Variants in DNAAF19 observed in about 807,000 individuals in gnomAD.
The protein encoded by DNAAF19 is dynein axonemal assembly factor 19.
the DNAAF19 span, chr17:44,901,758 A>T: frequency 7.9e-7 from 1 of 1,268,470 alleles, no homozygotes; most frequent in Non-Finnish European, 1.1e-6. Context: ...AACCACACAT[A>T]CCTCTTCTTT....
the DNAAF19 span, chr17:44,904,270 G>T: frequency 6.5e-7 from 1 of 1,550,280 alleles, no homozygotes; most frequent in Non-Finnish European, 8.7e-7. Flanking sequence ...AGGGAATGGT[G>T]GCCACTTTCC....
the DNAAF19 span, chr17:44,901,156 A>G: frequency 1.3e-6 from 2 of 1,599,992 alleles, no homozygotes; most frequent in Non-Finnish European, 8.5e-7. Flanking sequence ...GCTCACTGCC[A>G]TTTTTCTCAG....
the DNAAF19 span, chr17:44,902,536 G>T: frequency 6.2e-7 from 1 of 1,614,244 alleles, no homozygotes; most frequent in East Asian, 2.2e-5. Flanking sequence ...GCTGCTGGTG[G>T]CACTGGCTGA....
the DNAAF19 span, chr17:44,904,668 G>T: frequency 6.4e-7 from 1 of 1,550,572 alleles, no homozygotes; most frequent in Non-Finnish European, 8.7e-7. Context: ...CACCAGCAGA[G>T]ACTGGGCCAT....
the DNAAF19 span, chr17:44,905,092 G>C: frequency 6.7e-7 from 1 of 1,498,576 alleles, no homozygotes; most frequent in Middle Eastern, 1.7e-4. Context: ...CAGCTCTGAA[G>C]ACCAGTTGTC....
At chr17:44,903,580 C>T in the DNAAF19 span, 7 of 1,392,972 alleles carry the variant, frequency 5.0e-6, no homozygotes, top group Non-Finnish European at 5.6e-6. Flanking sequence ...GAGTAAAGGC[C>T]AGGTTCTAGA....
the DNAAF19 span, chr17:44,904,608 T>A: frequency 7.7e-6 from 12 of 1,550,556 alleles, no homozygotes; most frequent in Non-Finnish European, 1.0e-5. Flanking sequence ...ATTAACTATG[T>A]GTCCAAAGTG....
chr17:44,902,830 C>T, the DNAAF19 span: 130 of 1,524,688 alleles, frequency 8.5e-5, 1 homozygote, highest in African/African-American at 1.6e-3. Context: ...CGGCAAGCTA[C>T]CCTCAGAGGT....
chr17:44,903,448 C>G, the DNAAF19 span: 2 of 1,252,508 alleles, frequency 1.6e-6, no homozygotes, highest in Non-Finnish European at 2.0e-6. Flanking sequence ...TTCCACCAGG[C>G]TGGCAGGGCA....
At chr17:44,903,304 C>T in the DNAAF19 span, 2 of 1,245,420 alleles carry the variant, frequency 1.6e-6, no homozygotes, top group Non-Finnish European at 2.0e-6. Flanking sequence ...TGAATTTTCC[C>T]CTAGAGACTC....
the DNAAF19 span, chr17:44,905,131 A>C: frequency 1.5e-6 from 2 of 1,348,536 alleles, no homozygotes; most frequent in Non-Finnish European, 2.0e-6. Context: ...ATGATACCAG[A>C]TGTCTCTGGG....
chr17:44,905,114 T>C, the DNAAF19 span: 1 of 1,423,656 alleles, frequency 7.0e-7, no homozygotes, highest in Non-Finnish European at 9.5e-7. Flanking sequence ...TTCAATGTGT[T>C]TGTTAAATGA....
chr17:44,904,797 T>C, the DNAAF19 span: 1 of 1,550,646 alleles, frequency 6.4e-7, no homozygotes, highest in African/African-American at 1.4e-5. Flanking sequence ...ATGAGGGTGT[T>C]CATTGACCAC....
the DNAAF19 span, chr17:44,901,557 C>G: frequency 1.2e-6 from 2 of 1,614,022 alleles, no homozygotes; most frequent in Non-Finnish European, 1.7e-6. Context: ...GCCACTGGAG[C>G]GGAAGGATAA....
chr17:44,900,423 CAG>C, the DNAAF19 span, among the ~76,000 whole-genome samples: 2 of 152,098 alleles, frequency 1.3e-5, no homozygotes, highest in African/African-American at 4.8e-5. Flanking sequence ...CTGGGCTGGA[CAG>C]AGGGATTTGG....
chr17:44,901,629 G>A, the DNAAF19 span: 1 of 1,614,182 alleles, frequency 6.2e-7, no homozygotes, highest in African/African-American at 1.3e-5. Context: ...GACCTTCCAG[G>A]ATGTGGCCAC....
chr17:44,904,617 T>C, the DNAAF19 span: 4 of 1,550,540 alleles, frequency 2.6e-6, no homozygotes, highest in East Asian at 7.3e-5. Flanking sequence ...GTGTCCAAAG[T>C]GGGCAGCCGG....
At chr17:44,905,107 A>G in the DNAAF19 span, 1 of 1,459,888 alleles carries the variant, frequency 6.8e-7, no homozygotes, top group Non-Finnish European at 9.2e-7. Flanking sequence ...GTTGTCCTTC[A>G]ATGTGTTTGT....
chr17:44,901,602 C>T, the DNAAF19 span: 55 of 1,614,186 alleles, frequency 3.4e-5, 1 homozygote, highest in South Asian at 5.3e-4. Flanking sequence ...CTGGAACTGT[C>T]ACACTATTCA....
Sources: gnomAD v4.1 joint callset for allele counts (sites outside exome capture counted in the v4.1 genomes callset) on GRCh38, gnomAD v4.1.1 for gene constraint, MANE v1.5 for transcripts, NCBI Gene and HGNC (gene_info 2026-07-23, HGNC 2026-07-21) for gene names.